Variants in PTPRN2 observed in about 807,000 individuals in gnomAD.
The protein encoded by PTPRN2 is protein tyrosine phosphatase receptor type N2, also known as receptor-type tyrosine-protein phosphatase N2.
A neutral mutation model predicts 118.8 loss-of-function variants in PTPRN2; 74 were observed. That is an observed-to-expected ratio of 0.62 (90% CI 0.52 to 0.76). PTPRN2 has a LOEUF of 0.76. Ranked by LOEUF, PTPRN2 falls within the 30% of genes least tolerant of loss-of-function variation. PTPRN2 has a pLI of 0.00. For missense variants in PTPRN2, 1,481 were observed against 1,394.4 expected, an observed-to-expected ratio of 1.06 and a Z score of -0.99; for synonymous variants, 641 against 608.0, an observed-to-expected ratio of 1.05 and a Z score of -0.80.
chr7:158,514,599 C>G (rs1823403130), intron 1 of PTPRN2, among the ~76,000 whole-genome samples: 1 of 152,122 alleles, frequency 6.6e-6, no homozygotes, highest in South Asian at 2.1e-4. Context: ...TGTGCAGCAA[C>G]CCCACCTCTT....
intron 12 of PTPRN2, among the ~76,000 whole-genome samples, chr7:157,860,466 A>G (rs1012977342): frequency 4.1e-4 from 63 of 152,372 alleles, no homozygotes; most frequent in African/African-American, 1.5e-3. Context: ...TGCAGTTTTA[A>G]AAGAAATGGC....
chr7:157,775,512 G>A (rs796427946), intron 12 of PTPRN2, among the ~76,000 whole-genome samples: 36 of 152,356 alleles, frequency 2.4e-4, no homozygotes, highest in African/African-American at 7.5e-4. Flanking sequence ...TACAGGACTC[G>A]ATGCCTCGAG....
At chr7:157,797,442 CA>C (rs1804942558) in intron 12 of PTPRN2, among the ~76,000 whole-genome samples, 2 of 152,152 alleles carry the variant, frequency 1.3e-5, no homozygotes, top group Non-Finnish European at 2.9e-5. Flanking sequence ...GCAGGTTACA[CA>C]AGCTGGCCAC....
At chr7:158,270,722 C>T (rs1016139429) in intron 3 of PTPRN2, among the ~76,000 whole-genome samples, 58 of 152,074 alleles carry the variant, frequency 3.8e-4, no homozygotes, top group Non-Finnish European at 7.8e-4. Flanking sequence ...GCCCCTCTCC[C>T]TGGGGTGCCT....
At chr7:157,789,361 A>C (rs892088399) in intron 12 of PTPRN2, among the ~76,000 whole-genome samples, 3 of 152,196 alleles carry the variant, frequency 2.0e-5, no homozygotes, top group Admixed American at 6.5e-5. Context: ...CGGGGCAGCC[A>C]GACCCACCCT....
rs1807541862 is a variant in PTPRN2, at chr7:157,831,221, G to C, written c.1788+67452C>G. 6.6e-6 allele frequency among the ~76,000 whole-genome samples: 1 copy of C among 152,188 alleles called. No homozygotes were observed. Among genetic ancestry groups the C allele is most frequent in the African/African-American group, 2.4e-5 (1 of 41,446 alleles). On this transcript the variant is annotated intron_variant, in intron 12 of 22. Coordinates refer to ENST00000389418, the MANE Select transcript of PTPRN2 (RefSeq NM_002847.5). The surrounding 1 kb of genome is among the most constrained non-coding windows in gnomAD (Gnocchi z 4.8). ...GCTCGGGCCCTGCAGCATCTTACAA[G>C]GGGTGCAGGGAAGTCCAGAGACAGA...
At chr7:158,484,226 T>G (rs1035128686) in intron 2 of PTPRN2, among the ~76,000 whole-genome samples, 3 of 152,132 alleles carry the variant, frequency 2.0e-5, no homozygotes, top group African/African-American at 7.2e-5. Context: ...CCTCAGAGCC[T>G]CTCAGTACCA....
At chr7:158,121,495 C>A in intron 9 of PTPRN2, among the ~76,000 whole-genome samples, 1 of 152,340 alleles carries the variant, frequency 6.6e-6, no homozygotes, top group Non-Finnish European at 1.5e-5. Flanking sequence ...CTACTGCCCC[C>A]TGCGGAGCAT....
At chr7:158,195,687 C>G (rs955402514) in intron 4 of PTPRN2, among the ~76,000 whole-genome samples, 1 of 151,474 alleles carries the variant, frequency 6.6e-6, no homozygotes, top group Non-Finnish European at 1.5e-5. Flanking sequence ...TTCAAGTTCA[C>G]TAATATTTTC....
chr7:157,855,890 A>G (rs1809677441), intron 12 of PTPRN2: 1 of 152,222 alleles, frequency 6.6e-6, no homozygotes, highest in Non-Finnish European at 1.5e-5. Context: ...CGGCACCATC[A>G]TTTTTTCTGA....
chr7:157,558,965 T>A (rs1481947766), intron 21 of PTPRN2, among the ~76,000 whole-genome samples: 1 of 152,152 alleles, frequency 6.6e-6, no homozygotes, highest in Non-Finnish European at 1.5e-5. Flanking sequence ...TCATTTGACC[T>A]CGGAAACAGG....
chr7:157,714,984 C>T (rs1798830938), intron 12 of PTPRN2, among the ~76,000 whole-genome samples: 1 of 152,248 alleles, frequency 6.6e-6, no homozygotes, highest in Non-Finnish European at 1.5e-5. Context: ...GGGAACGGCG[C>T]CCAGCCCCAT....
intron 21 of PTPRN2, among the ~76,000 whole-genome samples, chr7:157,556,279 T>C (rs1282071638): frequency 1.3e-5 from 2 of 149,198 alleles, no homozygotes; most frequent in Non-Finnish European, 3.0e-5. Context: ...CATATGCACA[T>C]GCACACACAC....
chr7:158,201,292 A>AG (rs1826629929), intron 4 of PTPRN2, among the ~76,000 whole-genome samples: 1 of 152,128 alleles, frequency 6.6e-6, no homozygotes, highest in Non-Finnish European at 1.5e-5. Flanking sequence ...CTAAGCTCTG[A>AG]TTTTTTCTCT....
At chr7:157,661,573 C>T (rs1006727975) in intron 13 of PTPRN2, among the ~76,000 whole-genome samples, 8 of 152,256 alleles carry the variant, frequency 5.3e-5, no homozygotes, top group African/African-American at 1.9e-4. Context: ...GCGATAAGGC[C>T]GGGAATGGCC....
chr7:158,270,770 G>GTCCACCTGGACCACCCC (rs1403542542), intron 3 of PTPRN2, among the ~76,000 whole-genome samples: 2 of 78,614 alleles, frequency 2.5e-5, no homozygotes, highest in Admixed American at 2.6e-4. Context: ...GGACCACCCC[G>GTCCACCTGGACCACCCC]TCCACCTGGA....
At chr7:158,384,382 T>G (rs1811176800) in intron 2 of PTPRN2, among the ~76,000 whole-genome samples, 1 of 152,174 alleles carries the variant, frequency 6.6e-6, no homozygotes, top group Non-Finnish European at 1.5e-5. Flanking sequence ...AAACTATTAA[T>G]GCAAGATGCC....
At chr7:158,334,687 A>G in intron 2 of PTPRN2, among the ~76,000 whole-genome samples, 2 of 56,404 alleles carry the variant, frequency 3.5e-5, no homozygotes, top group Non-Finnish European at 7.3e-5. Flanking sequence ...TCACACCCAC[A>G]CTCTCACCAT....
At chr7:157,727,714 T>A (rs1440629872) in intron 12 of PTPRN2, among the ~76,000 whole-genome samples, 1 of 152,152 alleles carries the variant, frequency 6.6e-6, no homozygotes, top group South Asian at 2.1e-4. Context: ...ACTATGAGAT[T>A]CTGTATTACT....
Sources: gnomAD v4.1 joint callset for allele counts (sites outside exome capture counted in the v4.1 genomes callset) on GRCh38, gnomAD v4.1.1 for gene constraint, Gnocchi (gnomAD v3.1) non-coding constraint, MANE v1.5 for transcripts, NCBI Gene and HGNC (gene_info 2026-07-23, HGNC 2026-07-21) for gene names.